The following SPTBN5 variants were observed in gnomAD, a reference collection of about 807,000 sequenced individuals.
The protein encoded by SPTBN5 is spectrin beta, non-erythrocytic 5, also known as spectrin beta chain, non-erythrocytic 5.
Under a neutral mutation model 477.6 loss-of-function variants are expected in SPTBN5, and 513 were observed. The ratio of observed to expected loss-of-function variants is 1.07; its 90% CI spans 1.00 to 1.16. The LOEUF is 1.16. Among genes scored for constraint, SPTBN5 ranks in the 50% most tolerant of loss-of-function variants. The pLI is 0.00. For synonymous variants in SPTBN5, 2,169 were observed against 2,011.7 expected, an observed-to-expected ratio of 1.08 and a Z score of -2.09; for missense variants, 5,062 against 4,731.8, an observed-to-expected ratio of 1.07 and a Z score of -2.05.
rs779408665 is a variant in SPTBN5, at chr15:41,876,261, C to T, written c.3975G>A (p.Glu1325=). 4 of 1,584,440 alleles carry T rather than the reference C, an allele frequency of 2.5e-6. No homozygotes were observed. The African/African-American group carries it at 4.0e-5, about 16-fold the overall frequency. ...QLQEWKQDVA[E]LMQWMEEKGL... ...CCTTCTCTTCCATCCACTGCATCAG[C>T]TCTGCCACATCCTGCTTCCACTCCT... Residue 1325 remains glutamate (E), a synonymous_variant, in exon 21 of 68, where the codon GAG becomes GAA. Transcript: ENST00000320955.
chr15:41,876,536 CCA>C lies in SPTBN5; in HGVS notation c.3951+10_3951+11del, dbSNP rs1475961913. The C allele has an allele frequency of 6.3e-7, 1 of 1,582,206 alleles. No homozygotes were observed. Among genetic ancestry groups the C allele is most frequent in the South Asian group, 1.2e-5 (1 of 86,462 alleles). On this transcript the variant is annotated intron_variant, in intron 20 of 67. Transcript: ENST00000320955. ...CAGGGAGGCGTCATGCGACCTGGGC[CCA>C]GACCCTCACCTGGAGCTGGAGGGAA...
rs1473891928 is a variant in SPTBN5 at position 41,879,373 on chromosome 15, C to T, written c.3069G>A (p.Leu1023=). 1.2e-6 allele frequency: 2 copies of T among 1,610,496 alleles called. No individual in the cohort carries two copies. The highest frequency in any genetic ancestry group is 2.7e-5 in the African/African-American group (2 of 75,046). ...CTGAGCTCCCTGGCTGCAGGGCCTC[C>T]AGCTGGAGGAGCACGTCTCGCAGCT... ...QVQLRDVLLQ[L]EALQPGSSED... The change falls in exon 16 of 68, where the codon CTG becomes CTA. Residue 1023 remains leucine, a synonymous_variant. Coordinates refer to ENST00000320955, the MANE Select transcript of SPTBN5 (RefSeq NM_016642.4).
In SPTBN5 at chr15:41,852,628, C is replaced by G. The variant is rs139846868; in HGVS notation, c.10449+6G>C. 59 of 1,613,216 alleles carry G rather than the reference C, an allele frequency of 3.7e-5. No homozygotes were observed. The African/African-American group carries it at 7.3e-4, about 20-fold the overall frequency. On this transcript the variant is annotated splice_donor_region_variant and intron_variant, in intron 61 of 67. Transcript: ENST00000320955. ...GCCCTCAGCCCCTAGCCGAGGCAGT[C>G]GTCACCTCTGTCTTTTGCATTTGGG...
Position 41,874,995 on chromosome 15 carries a change from T to C in SPTBN5, c.4349A>G (p.Asp1450Gly), listed in dbSNP as rs1595487400. 1.2e-6 allele frequency: 2 copies of C among 1,613,648 alleles called. No individual in the cohort carries two copies. The highest frequency in any genetic ancestry group is 2.2e-5 in the East Asian group (1 of 44,870). Residue 1450 changes from aspartate to glycine, a missense_variant, in exon 23 of 68, where the codon GAC becomes GGC. Transcript: ENST00000320955. ...CTGCAGCCTCTGGCTGGAGCGCAGG[T>C]CCTGCCCTGTTTCCGAGCTCTGTAG... The part of the protein sequence containing the change: ...GALQSSETGQ[D>G]LRSSQRLQKR...
intron 12 of SPTBN5, 50 bp from the exon 13 acceptor site, chr15:41,881,284 G>A: frequency 6.6e-7 from 1 of 1,517,536 alleles, no homozygotes; most frequent in Non-Finnish European, 8.9e-7. Flanking sequence ...CAAGCAGCAG[G>A]GGCTTTGGCC....
At chr15:41,852,369 C>T in intron 61 of SPTBN5, 53 bp from the exon 62 acceptor site, 3 of 1,510,028 alleles carry the variant, frequency 2.0e-6, no homozygotes, top group South Asian at 2.6e-5. Flanking sequence ...AGACCAGCCA[C>T]ACCTCAGGTT....
chr15:41,885,826 G>C lies in SPTBN5; in HGVS notation c.1429C>G (p.Leu477Val). 6.4e-7 allele frequency: 1 copy of C among 1,559,374 alleles called. No individual in the cohort carries two copies. The highest frequency in any genetic ancestry group is 8.7e-7 in the Non-Finnish European group (1 of 1,151,982). ...QRLGMLEAGI[L>V]PQEGRFQALA... is the part of the protein sequence containing the mutation. ...GCCTGGAAGCGCCCCTCCTGGGGCA[G>C]GATGCCAGCCTCCAGCATGCCCAGC... Residue 477 changes from leucine to valine, a missense_variant, in exon 7 of 68, where the codon CTG becomes GTG. Leu to Val is a conservative substitution (Grantham distance 32). Transcript: ENST00000320955.
chr15:41,885,832 C>G lies in SPTBN5; in HGVS notation c.1423G>C (p.Gly475Arg). Residue 475 changes from glycine (G) to arginine (R), a missense_variant, in exon 7 of 68, where the codon GGC becomes CGC. By Grantham distance (125) the Gly-to-Arg change is moderately radical. Coordinates refer to ENST00000320955, the MANE Select transcript of SPTBN5 (RefSeq NM_016642.4). ...AVQRLGMLEAGILPQEGRFQA... is the reference protein window; with the variant it reads ...AVQRLGMLEARILPQEGRFQA... Reference sequence around the variant, plus strand: ...AAGCGCCCCTCCTGGGGCAGGATGCCAGCCTCCAGCATGCCCAGCCTCTGG... The same window carrying G: ...AAGCGCCCCTCCTGGGGCAGGATGCGAGCCTCCAGCATGCCCAGCCTCTGG... 1.3e-6 allele frequency: 2 copies of G among 1,560,044 alleles called. No individual in the cohort carries two copies. The highest frequency in any genetic ancestry group is 1.7e-6 in the Non-Finnish European group (2 of 1,152,424).
chr15:41,852,584 A>G (rs1453356973), intron 61 of SPTBN5, 50 bp downstream of exon 61: 1 of 1,564,150 alleles, frequency 6.4e-7, no homozygotes, highest in Admixed American at 1.7e-5. Flanking sequence ...GCAGGCTGAG[A>G]GGGACTGTTC....
Position 41,852,832 on chromosome 15 carries a change from C to A in SPTBN5, c.10339G>T (p.Asp3447Tyr), listed in dbSNP as rs575785536. Residue 3447 changes from aspartate to tyrosine, a missense_variant, in exon 60 of 68, where the codon GAC (aspartate) becomes TAC (tyrosine). By Grantham distance (160) the Asp-to-Tyr change is radical. Coordinates refer to ENST00000320955, the MANE Select transcript of SPTBN5 (RefSeq NM_016642.4). ...GCAGGACCCCCACTCACCCCATAGT[C>A]GGGCTTCAGCAGGAGTCCCTCCCAG... is the stretch of plus-strand genomic sequence containing the variant. ...ACWEGLLLKP[D>Y]YGHSVSDVEL... The A allele has an allele frequency of 1.2e-6, 2 of 1,606,644 alleles. No individual in the cohort carries two copies. Among genetic ancestry groups the A allele is most frequent in the South Asian group, 1.1e-5 (1 of 90,738 alleles).
Position 41,881,218 on chromosome 15 carries a change from C to G in SPTBN5, c.2474G>C (p.Ser825Thr), listed in dbSNP as rs370798746. The change falls in exon 13 of 68, where the codon AGC becomes ACC. Residue 825 changes from serine (S) to threonine (T), a missense_variant. Ser to Thr is a moderately conservative substitution (Grantham distance 58). Coordinates refer to ENST00000320955, the MANE Select transcript of SPTBN5 (RefSeq NM_016642.4). The stretch of plus-strand genomic sequence containing the variant: ...GTTCCTCAGGCTTTCTCCTGGAGGG[C>G]TCAGGGCAGAGTTCACCTGTGTGAC... ...ASLFTVNSAL[S>T]PPGESLRNPG... 1.2e-6 allele frequency: 2 copies of G among 1,610,042 alleles called. No homozygotes were observed. The highest frequency in any genetic ancestry group is 2.7e-5 in the African/African-American group (2 of 74,790).
intron 9 of SPTBN5, 81 bp downstream of exon 9, chr15:41,882,915 C>G: frequency 7.1e-7 from 1 of 1,403,904 alleles, no homozygotes; most frequent in Admixed American, 2.0e-5. Flanking sequence ...GGCAGGCCAA[C>G]AGTACTTTAA....
At chr15:41,854,667 T>A (rs2065879384) in intron 56 of SPTBN5, 115 bp downstream of exon 56, 1 of 907,514 alleles carries the variant, frequency 1.1e-6, no homozygotes, top group South Asian at 2.2e-5. Context: ...CACATTCACT[T>A]GAGGCCAGCA....
In SPTBN5 at chr15:41,868,531, G is replaced by A. The variant is rs2087588017; in HGVS notation, c.5924C>T (p.Pro1975Leu). The A allele has an allele frequency of 6.2e-7, 1 of 1,607,762 alleles. No homozygotes were observed. The highest frequency in any genetic ancestry group is 8.5e-7 in the Non-Finnish European group (1 of 1,179,710). The stretch of plus-strand genomic sequence containing the variant: ...ACTGAGCTTCAGCGGGCCACTGCTA[G>A]GCTCTTGCGAACTCTCCTCCACCTG... ...DLQVEESSQE[P>L]SSGPLKLSAH... Residue 1975 changes from proline to leucine, a missense_variant, in exon 33 of 68, where the codon CCT (proline) becomes CTT (leucine). Coordinates refer to ENST00000320955, the MANE Select transcript of SPTBN5 (RefSeq NM_016642.4).
chr15:41,876,523 A>G (rs1286677550), intron 20 of SPTBN5, 25 bp downstream of exon 20: 7 of 1,564,036 alleles, frequency 4.5e-6, no homozygotes, highest in Non-Finnish European at 1.7e-6. Context: ...GGGAGGCGTC[A>G]TGCGACCTGG....
At chr15:41,865,179 T>C (rs746346656) in intron 39 of SPTBN5, among the ~76,000 whole-genome samples, 15 of 152,222 alleles carry the variant, frequency 9.9e-5, no homozygotes, top group East Asian at 5.8e-4. Context: ...GCCATTTTTT[T>C]CCCCTGTATA....
intron 16 of SPTBN5, among the ~76,000 whole-genome samples, 190 bp downstream of exon 16, chr15:41,879,070 G>T (rs1374486408): frequency 6.6e-6 from 1 of 151,956 alleles, no homozygotes; most frequent in Admixed American, 6.6e-5. Context: ...GTCTCAAAAA[G>T]AAATAAAAAA....
chr15:41,852,289 G>A lies in SPTBN5; in HGVS notation c.10477C>T (p.Gln3493Ter). ...EMEQELLLQP[Q>*]ELKPGRAGSS... ...CCAGCTCTCCCGGGCTTCAGCTCCT[G>A]TGGCTGCAGCAGGAGCTCCTGTTCC... The change falls in exon 62 of 68, where the codon CAG becomes TAG. Residue 3493 changes from glutamine (Q) to a stop codon, truncating the protein, a stop_gained. Transcript: ENST00000320955. LOFTEE classifies it high-confidence loss of function. 6.3e-7 allele frequency: 1 copy of A among 1,598,472 alleles called. No homozygotes were observed. The highest frequency in any genetic ancestry group is 8.5e-7 in the Non-Finnish European group (1 of 1,172,552).
intron 3 of SPTBN5, among the ~76,000 whole-genome samples, chr15:41,892,288 C>A (rs931588092): frequency 6.6e-6 from 1 of 152,182 alleles, no homozygotes; most frequent in African/African-American, 2.4e-5. Flanking sequence ...TTCCAATGAT[C>A]CCTTTGCCCC....
Sources: allele counts gnomAD v4.1 joint callset (sites outside exome capture counted in the v4.1 genomes callset), GRCh38; gene constraint gnomAD v4.1.1; transcripts MANE v1.5; gene names NCBI Gene and HGNC (gene_info 2026-07-23, HGNC 2026-07-21).